ZMAT4: variants seen among roughly 807,000 people sequenced by gnomAD.
ZMAT4 encodes the protein zinc finger matrin-type protein 4.
A neutral mutation model predicts 28.7 loss-of-function variants in ZMAT4; 17 were observed. That is an observed-to-expected ratio of 0.59 (90% confidence interval 0.41 to 0.89). The LOEUF (loss-of-function observed/expected upper bound fraction) is 0.89, where lower values mean the gene tolerates loss of function less well. ZMAT4 is among the 40% of genes least tolerant of loss of function. The pLI, the probability that ZMAT4 is intolerant of heterozygous loss-of-function variation, is 0.00. For synonymous variants in ZMAT4, 117 were observed against 109.2 expected (o/e 1.07, Z -0.44); for missense variants, 240 against 283.8 (o/e 0.85, Z 1.11).
At chr8:40,813,938 A>T (rs567569676) in intron 2 of ZMAT4, among the ~76,000 whole-genome samples, 2 of 152,118 alleles carry the variant, frequency 1.3e-5, no homozygotes, top group East Asian at 3.9e-4. Flanking sequence ...CTTTAAAAGG[A>T]CTCTAAAAGC....
chr8:40,647,086 T>TA (rs1168369782), intron 5 of ZMAT4, among the ~76,000 whole-genome samples: 1 of 152,128 alleles, frequency 6.6e-6, no homozygotes. Context: ...GATGGCCTAA[T>TA]AGGAACAGCT....
intron 3 of ZMAT4, among the ~76,000 whole-genome samples, chr8:40,764,675 G>T (rs1055303717): frequency 5.3e-5 from 8 of 152,166 alleles, no homozygotes. Context: ...GAGGTGAGTA[G>T]AATAAAGTGT....
At chr8:40,636,344 T>A (rs146847702) in intron 5 of ZMAT4, among the ~76,000 whole-genome samples, 3 of 152,330 alleles carry the variant, frequency 2.0e-5, no homozygotes, top group Non-Finnish European at 4.4e-5. Context: ...GCTTTCAGTT[T>A]GGAAAAATCC....
At chr8:40,835,529 C>T (rs138662827) in intron 1 of ZMAT4, among the ~76,000 whole-genome samples, 1 of 152,336 alleles carries the variant, frequency 6.6e-6, no homozygotes, top group East Asian at 1.9e-4. Flanking sequence ...AGGACCCTTC[C>T]TTTCAATGTG....
chr8:40,745,300 C>A (rs998956840), intron 3 of ZMAT4, among the ~76,000 whole-genome samples: 1 of 151,872 alleles, frequency 6.6e-6, no homozygotes, highest in Non-Finnish European at 1.5e-5. Context: ...TGTGATTACT[C>A]TAGACTGAAA....
chr8:40,761,468 C>T (rs1462352622), intron 3 of ZMAT4, among the ~76,000 whole-genome samples: 1 of 152,056 alleles, frequency 6.6e-6, no homozygotes, highest in African/African-American at 2.4e-5. Context: ...TCTTCCAGAG[C>T]CTTCTAAAGC....
At chr8:40,736,479 AT>A (rs1346539024) in intron 3 of ZMAT4, among the ~76,000 whole-genome samples, 2 of 152,208 alleles carry the variant, frequency 1.3e-5, no homozygotes, top group Non-Finnish European at 2.9e-5. Flanking sequence ...TTCAGTGAAT[AT>A]TTACAGAACA....
chr8:40,563,037 C>A (rs930196840), intron 6 of ZMAT4, among the ~76,000 whole-genome samples: 6 of 152,150 alleles, frequency 3.9e-5, no homozygotes, highest in Admixed American at 2.0e-4. Context: ...CTTCAACCAG[C>A]TCCTGTGACC....
intron 5 of ZMAT4, among the ~76,000 whole-genome samples, chr8:40,614,871 C>A (rs920004017): frequency 7.9e-5 from 12 of 151,828 alleles, no homozygotes; most frequent in Admixed American, 3.9e-4. Flanking sequence ...GGTCTTGACT[C>A]TTTATCCAAT....
At chr8:40,836,109 G>A (rs921694600) in intron 1 of ZMAT4, among the ~76,000 whole-genome samples, 6 of 152,144 alleles carry the variant, frequency 3.9e-5, no homozygotes, top group Non-Finnish European at 7.3e-5. Context: ...TTTCAGAGCT[G>A]GTTTGACATC....
intron 5 of ZMAT4, among the ~76,000 whole-genome samples, chr8:40,619,639 T>C (rs936379533): frequency 9.2e-5 from 14 of 152,150 alleles, no homozygotes; most frequent in African/African-American, 3.4e-4. Context: ...AAGGTCCAAG[T>C]AGGCAGGCAC....
chr8:40,822,040 C>T (rs937422770), intron 2 of ZMAT4, among the ~76,000 whole-genome samples: 1 of 152,286 alleles, frequency 6.6e-6, no homozygotes, highest in Admixed American at 6.5e-5. Context: ...CAAATATCTA[C>T]GAAGTTAACA....
At chr8:40,721,107 T>G (rs1314739522) in intron 3 of ZMAT4, among the ~76,000 whole-genome samples, 3 of 137,838 alleles carry the variant, frequency 2.2e-5, no homozygotes, top group Admixed American at 7.3e-5. Flanking sequence ...TAGGTATATC[T>G]CCCAATGCTA....
intron 3 of ZMAT4, 92 bp downstream of exon 3, chr8:40,767,549 G>T: frequency 9.9e-7 from 1 of 1,010,294 alleles, no homozygotes; most frequent in African/African-American, 1.6e-5. Flanking sequence ...GCTTTTCTAT[G>T]AATCTGGACT....
At chr8:40,646,508 C>T (rs1041056949) in intron 5 of ZMAT4, among the ~76,000 whole-genome samples, 8 of 151,666 alleles carry the variant, frequency 5.3e-5, no homozygotes, top group Non-Finnish European at 1.0e-4. Flanking sequence ...ACTTTATAGT[C>T]GATTATATAG....
intron 3 of ZMAT4, among the ~76,000 whole-genome samples, chr8:40,705,354 AAGGTGGGATGAGAGGC>A (rs560121568): frequency 6.2e-4 from 94 of 152,290 alleles, no homozygotes; most frequent in Non-Finnish European, 1.2e-3. Flanking sequence ...CGAGAGAGCA[AAGGTGGGATGAGAGGC>A]AGGTGGGAAG....
At chr8:40,643,802 AG>A (rs1807170498) in intron 5 of ZMAT4, among the ~76,000 whole-genome samples, 1 of 149,120 alleles carries the variant, frequency 6.7e-6, no homozygotes, top group Non-Finnish European at 1.5e-5. Context: ...AAAAAAAAAA[AG>A]GAGTAAGGTC....
chr8:40,706,981 T>C (rs898903981), intron 3 of ZMAT4, among the ~76,000 whole-genome samples: 3 of 152,222 alleles, frequency 2.0e-5, no homozygotes, highest in Non-Finnish European at 4.4e-5. Context: ...ACTCATTGAA[T>C]GATGAGTGTA....
At chr8:40,606,799 C>A (rs1283339758) in intron 5 of ZMAT4, among the ~76,000 whole-genome samples, 1 of 152,142 alleles carries the variant, frequency 6.6e-6, no homozygotes, top group African/African-American at 2.4e-5. Context: ...AAATATGTTT[C>A]CCAAACTTTT....
Sources: gnomAD v4.1 joint callset for allele counts (sites outside exome capture counted in the v4.1 genomes callset) on GRCh38, gnomAD v4.1.1 for gene constraint, MANE v1.5 for transcripts, NCBI Gene and HGNC (gene_info 2026-07-23, HGNC 2026-07-21) for gene names.